The following ERCC8 variants were observed in gnomAD, a reference collection of about 807,000 sequenced individuals.
ERCC8 encodes DNA excision repair protein ERCC-8.
In ERCC8, 52 loss-of-function variants were observed where a neutral mutation model predicts 54.9. The ratio of observed to expected loss-of-function variants is 0.95; its 90% CI spans 0.76 to 1.19. The LOEUF is 1.19. Ranked by LOEUF, ERCC8 falls within the 50% of genes most tolerant of loss-of-function variation. The pLI, the probability that ERCC8 is intolerant of heterozygous loss-of-function variation, is 0.00. For synonymous variants in ERCC8, 146 were observed against 157.2 expected (o/e 0.93, Z 0.53); for missense variants, 514 against 466.1 (o/e 1.10, Z -0.95).
chr5:60,871,672 ATGT>A lies in ERCC8; in HGVS notation c.*2940_*2942del, dbSNP rs1223910085. On this transcript the variant is annotated 3_prime_UTR_variant, in exon 12 of 12. Transcript: ENST00000676185. ...CCACTACCTTCCTTTTTAGATTTTT[ATGT>A]TGTTTGAATTATTTATAATGAGCCT... 6.6e-6 allele frequency among the ~76,000 whole-genome samples: 1 copy of A among 152,158 alleles called. No homozygotes were observed. The highest frequency in any genetic ancestry group is 2.4e-5 in the African/African-American group (1 of 41,444).
In ERCC8 at chr5:60,866,999, A is replaced by AT. The variant is rs1385341467; in HGVS notation, c.*7615dup. On this transcript the variant is annotated 3_prime_UTR_variant, in exon 12 of 12. Transcript: ENST00000676185. ...AGCTGGGACTACAAGTGCCCGCCTA[A>AT]TTTTTTTTTTGTATTTTTAGTAAAG... 30 of 146,938 alleles carry AT rather than the reference A, an allele frequency of 2.0e-4. No homozygotes were observed. The highest frequency in any genetic ancestry group is 1.4e-3 in the East Asian group (7 of 4,938). The allele number at this position is 146,938 out of a possible 1,614,324, so 9.1% of individuals were successfully genotyped here.
rs915202639 is a variant in ERCC8, at chr5:60,871,050, C to T, written c.*3565G>A. The stretch of plus-strand genomic sequence containing the variant: ...AAAAAGTGGGCACAATATCTATAGA[C>T]CAACAAAACAAAAGGACTACAACCC... On this transcript the variant is annotated 3_prime_UTR_variant, in exon 12 of 12. Transcript: ENST00000676185. Among the ~76,000 whole-genome samples the T allele has an allele frequency of 6.6e-6, 1 of 152,016 alleles. No individual in the cohort carries two copies. Among genetic ancestry groups the T allele is most frequent in the Non-Finnish European group, 1.5e-5 (1 of 68,010 alleles).
rs759052716 is a variant in ERCC8 at position 60,871,695 on chromosome 5, G to A, written c.*2920C>T. On this transcript the variant is annotated 3_prime_UTR_variant, in exon 12 of 12. Transcript: ENST00000676185. ...TTATGTTGTTTGAATTATTTATAAT[G>A]AGCCTATATATCTATATAACTAGAA... 6.6e-6 allele frequency among the ~76,000 whole-genome samples: 1 copy of A among 152,158 alleles called. No individual in the cohort carries two copies. The highest frequency in any genetic ancestry group is 1.9e-4 in the East Asian group (1 of 5,192).
intron 1 of ERCC8, among the ~76,000 whole-genome samples, chr5:60,938,020 T>A (rs1750120051): frequency 1.4e-5 from 2 of 142,740 alleles, no homozygotes; most frequent in Non-Finnish European, 3.0e-5. Context: ...TGTGTGTGTG[T>A]GTGTATACAT....
rs1432098201 is a variant in ERCC8, at chr5:60,934,425, ATTGT to A, written c.78-5470_78-5467del. On this transcript the variant is annotated intron_variant, in intron 1 of 11. Coordinates refer to ENST00000676185, the MANE Select transcript of ERCC8 (RefSeq NM_000082.4). ...CCATGTCAGCCCACTTTTTGTTGGG[ATTGT>A]TTATCTTTTTCTTGATTTGAGTTCC... Among the ~76,000 whole-genome samples, 3 of 151,796 alleles carry A rather than the reference ATTGT, an allele frequency of 2.0e-5. No individual in the cohort carries two copies. The South Asian group carries it at 6.2e-4, about 32-fold the overall frequency.
rs746417266 is a variant in ERCC8 at position 60,944,987 on chromosome 5, G to C, written c.22C>G (p.Arg8Gly). Residue 8 changes from arginine to glycine, a missense_variant, in exon 1 of 12, where the codon CGC becomes GGC. Physicochemically the swap from Arg to Gly is moderately radical, Grantham distance 125. Transcript: ENST00000676185. MLGFLSA[R>G]QTGLEDPLRL... ...AGAGGGTCCTCCAAACCCGTTTGGC[G>C]TGCGGACAAAAACCCCAGCATATCG... The C allele has an allele frequency of 6.2e-6, 10 of 1,614,076 alleles. No individual in the cohort carries two copies. In the South Asian group the frequency reaches 9.9e-5, roughly 16 times the overall value.
intron 2 of ERCC8, among the ~76,000 whole-genome samples, chr5:60,922,934 T>G (rs1178961184): frequency 2.0e-5 from 3 of 152,168 alleles, no homozygotes; most frequent in African/African-American, 4.8e-5. Flanking sequence ...TTTCCCTGAT[T>G]GCAATATTTA....
In ERCC8 at chr5:60,933,805, T is replaced by C. The variant is rs543227882; in HGVS notation, c.78-4846A>G. 1.4e-4 allele frequency among the ~76,000 whole-genome samples: 21 copies of C among 152,266 alleles called. No homozygotes were observed. In the South Asian group the frequency reaches 4.4e-3, roughly 32 times the overall value. ...TGTCCTCCATAGCTCAGCTCCCACT[T>C]ATGAGTGAGAACATACAATATTTGG... On this transcript the variant is annotated intron_variant, in intron 1 of 11. Transcript: ENST00000676185.
rs934359489 is a variant in ERCC8 at position 60,874,473 on chromosome 5, T to A, written c.*142A>T. The A allele has an allele frequency of 4.2e-6, 3 of 721,072 alleles. No homozygotes were observed. Among genetic ancestry groups the A allele is most frequent in the Non-Finnish European group, 7.1e-6 (3 of 422,700 alleles). The allele number at this position is 721,072 out of a possible 1,614,324, so 44.7% of individuals were successfully genotyped here. ...TCTGTTTTAGGATTTTATGCAAATA[T>A]TAACCTCATTTTAAAACATGAGGAA... On this transcript the variant is annotated 3_prime_UTR_variant, in exon 12 of 12. Coordinates refer to ENST00000676185, the MANE Select transcript of ERCC8 (RefSeq NM_000082.4).
At chr5:60,936,953 T>C (rs919486453) in intron 1 of ERCC8, among the ~76,000 whole-genome samples, 5 of 152,220 alleles carry the variant, frequency 3.3e-5, no homozygotes, top group African/African-American at 1.2e-4. Flanking sequence ...GCAGATTCTT[T>C]TGTCCCACGA....
rs184704690 is a variant in ERCC8 at position 60,937,652 on chromosome 5, G to A, written c.77+7280C>T. Among the ~76,000 whole-genome samples the A allele has an allele frequency of 2.4e-3, 360 of 152,204 alleles. 2 individuals are homozygous for A. The highest frequency in any genetic ancestry group is 8.3e-3 in the African/African-American group (346 of 41,516). ...AAAGGGCTGGTTTCACTCCCACTGC[G>A]CCCCTACAACAGCTCTGAGTTTATT... On this transcript the variant is annotated intron_variant, in intron 1 of 11. Coordinates refer to ENST00000676185, the MANE Select transcript of ERCC8 (RefSeq NM_000082.4).
chr5:60,903,697 T>G lies in ERCC8; in HGVS notation c.501A>C (p.Lys167Asn). 5 of 1,612,822 alleles carry G rather than the reference T, an allele frequency of 3.1e-6. No individual in the cohort carries two copies. Among genetic ancestry groups the G allele is most frequent in the Non-Finnish European group, 4.2e-6 (5 of 1,179,340 alleles). ...CLVAVGTRGP[K>N]VQLCDLKSGS... ...CAGACTTCAAGTCACAAAGTTGTACTTTGGGTCCTCTAGTACCAACTGTAA... is the reference window on the plus strand; with the variant it reads ...CAGACTTCAAGTCACAAAGTTGTACGTTGGGTCCTCTAGTACCAACTGTAA... The change falls in exon 6 of 12, where the codon AAA becomes AAC. Residue 167 changes from lysine (K) to asparagine (N), a missense_variant. Coordinates refer to ENST00000676185, the MANE Select transcript of ERCC8 (RefSeq NM_000082.4).
intron 3 of ERCC8, among the ~76,000 whole-genome samples, chr5:60,921,307 G>A (rs1749594262): frequency 6.6e-6 from 1 of 151,910 alleles, no homozygotes; most frequent in East Asian, 1.9e-4. Context: ...GATAGTTGAT[G>A]TTAATGTTTA....
At chr5:60,881,595 A>G (rs1430704871) in intron 11 of ERCC8, among the ~76,000 whole-genome samples, 1 of 152,118 alleles carries the variant, frequency 6.6e-6, no homozygotes, top group Non-Finnish European at 1.5e-5. Context: ...GCCGCCTTGC[A>G]GTTTGATCTC....
intron 4 of ERCC8, chr5:60,915,348 G>T (rs1322468685): frequency 6.6e-6 from 1 of 151,984 alleles, no homozygotes; most frequent in Admixed American, 6.6e-5. Flanking sequence ...CTCTAGAGAA[G>T]ATCCAATCTC....
In ERCC8 at chr5:60,871,498, T is replaced by C. The variant is rs1747862082; in HGVS notation, c.*3117A>G. On this transcript the variant is annotated 3_prime_UTR_variant, in exon 12 of 12. Coordinates refer to ENST00000676185, the MANE Select transcript of ERCC8 (RefSeq NM_000082.4). ...CAGCAGGGGTAAGGACTGGGGAATGTGGTACTAATGTGGAAAGAGAGGGGT... is the reference window on the plus strand; with the variant it reads ...CAGCAGGGGTAAGGACTGGGGAATGCGGTACTAATGTGGAAAGAGAGGGGT... Among the ~76,000 whole-genome samples, 1 of 152,124 alleles carries C rather than the reference T, an allele frequency of 6.6e-6. No homozygotes were observed. The highest frequency in any genetic ancestry group is 1.5e-5 in the Non-Finnish European group (1 of 68,030).
At chr5:60,909,041 A>T (rs1381331643) in intron 4 of ERCC8, among the ~76,000 whole-genome samples, 1 of 152,082 alleles carries the variant, frequency 6.6e-6, no homozygotes, top group Non-Finnish European at 1.5e-5. Context: ...AAGGATCTAA[A>T]GCTGGAGAAT....
In ERCC8 at chr5:60,869,944, A is replaced by G. The variant is rs1369969382; in HGVS notation, c.*4671T>C. Among the ~76,000 whole-genome samples, 2 of 152,214 alleles carry G rather than the reference A, an allele frequency of 1.3e-5. No homozygotes were observed. The highest frequency in any genetic ancestry group is 2.4e-5 in the African/African-American group (1 of 41,450). ...ATATAAAATGTACAAGGCACTGGAG[A>G]GAAGTTATACATGATCGCTGCCTTC... On this transcript the variant is annotated 3_prime_UTR_variant, in exon 12 of 12. Transcript: ENST00000676185.
chr5:60,911,906 G>T (rs1749278476), intron 4 of ERCC8, among the ~76,000 whole-genome samples: 1 of 152,098 alleles, frequency 6.6e-6, no homozygotes, highest in African/African-American at 2.4e-5. Flanking sequence ...GGTTGTAGAT[G>T]TGTGGTGTTA....
Sources: gnomAD v4.1 joint callset for allele counts (sites outside exome capture counted in the v4.1 genomes callset) on GRCh38, gnomAD v4.1.1 for gene constraint, MANE v1.5 for transcripts, NCBI Gene and HGNC (gene_info 2026-07-23, HGNC 2026-07-21) for gene names.